The following ZFHX3 variants were observed in gnomAD, a reference collection of about 807,000 sequenced individuals.
ZFHX3 encodes zinc finger homeobox protein 3.
A neutral mutation model predicts 279.1 loss-of-function variants in ZFHX3; 42 were observed. The observed-to-expected ratio is 0.15, with a 90% CI of 0.12 to 0.19. The LOEUF is 0.19. ZFHX3 is among the 10% of genes least tolerant of loss of function. The probability of loss-of-function intolerance (pLI) is 1.00; values close to 1 mark genes in which losing one functional copy is unlikely to be tolerated. For synonymous variants in ZFHX3, 2,293 were observed against 1,957.8 expected (o/e 1.17, Z -4.52); for missense variants, 4,981 against 4,754.0 (o/e 1.05, Z -1.40).
At chr16:72,943,905 T>C (rs557714670) in intron 3 of ZFHX3, among the ~76,000 whole-genome samples, 2 of 152,340 alleles carry the variant, frequency 1.3e-5, no homozygotes, top group East Asian at 1.9e-4. Flanking sequence ...GGAAATACTA[T>C]GTCGACATTA....
chr16:73,715,014 C>A (rs979771062), intron 1 of ZFHX3, among the ~76,000 whole-genome samples: 1 of 152,186 alleles, frequency 6.6e-6, no homozygotes, highest in African/African-American at 2.4e-5. Flanking sequence ...CTTCCTTTTT[C>A]TCTGCCCTCC....
chr16:73,054,829 T>C (rs1210482298), intron 1 of ZFHX3, among the ~76,000 whole-genome samples: 1 of 152,096 alleles, frequency 6.6e-6, no homozygotes, highest in Non-Finnish European at 1.5e-5. Context: ...ACCACTGCAA[T>C]GATTTAGTGA....
intron 5 of ZFHX3, among the ~76,000 whole-genome samples, chr16:73,219,718 A>T (rs142744027): frequency 0.016 from 2,448 of 152,310 alleles, 27 homozygotes; most frequent in Non-Finnish European, 0.024. Context: ...TCTTGGAATC[A>T]GGTTGGTGAG....
chr16:73,200,188 T>C (rs902080328), intron 5 of ZFHX3, among the ~76,000 whole-genome samples: 4 of 152,154 alleles, frequency 2.6e-5, no homozygotes, highest in African/African-American at 7.2e-5. Context: ...TGCAGAAAGG[T>C]ATAATTCTGA....
intron 1 of ZFHX3, among the ~76,000 whole-genome samples, chr16:73,035,885 C>A (rs887491817): frequency 1.3e-5 from 2 of 152,188 alleles, no homozygotes; most frequent in African/African-American, 4.8e-5. Context: ...GCCTGGGAGA[C>A]AGAGTGAGAC....
chr16:73,754,902 C>T (rs1390175208), intron 1 of ZFHX3, among the ~76,000 whole-genome samples: 1 of 152,084 alleles, frequency 6.6e-6, no homozygotes, highest in African/African-American at 2.4e-5. Flanking sequence ...GTTTCCTTTT[C>T]CCCCCAAACC....
intron 2 of ZFHX3, among the ~76,000 whole-genome samples, chr16:73,480,933 T>A (rs1234036488): frequency 1.3e-5 from 2 of 152,180 alleles, no homozygotes; most frequent in African/African-American, 4.8e-5. Context: ...AGAATGTTAT[T>A]TACTTCAAGG....
intron 4 of ZFHX3, among the ~76,000 whole-genome samples, chr16:73,277,298 T>C (rs2014325362): frequency 6.6e-6 from 1 of 152,208 alleles, no homozygotes; most frequent in Non-Finnish European, 1.5e-5. Flanking sequence ...GAACTGAAAG[T>C]CACCCCGGGT....
At chr16:73,463,226 A>G (rs1251334811) in intron 2 of ZFHX3, among the ~76,000 whole-genome samples, 1 of 152,234 alleles carries the variant, frequency 6.6e-6, no homozygotes, top group African/African-American at 2.4e-5. Context: ...AAACATGCCA[A>G]GCACTTTACA....
intron 1 of ZFHX3, among the ~76,000 whole-genome samples, chr16:73,797,660 C>A (rs147349674): frequency 1.3e-5 from 2 of 152,060 alleles, no homozygotes; most frequent in Non-Finnish European, 2.9e-5. Flanking sequence ...TACACTGGTA[C>A]GGTGGAGAAA....
intron 3 of ZFHX3, among the ~76,000 whole-genome samples, chr16:73,439,767 G>A (rs1237776001): frequency 6.6e-6 from 1 of 151,864 alleles, no homozygotes; most frequent in East Asian, 1.9e-4. Flanking sequence ...CTCTTTACGG[G>A]TGCTCCTTGG....
At chr16:73,134,995 T>C (rs1355665397) in intron 6 of ZFHX3, among the ~76,000 whole-genome samples, 3 of 152,136 alleles carry the variant, frequency 2.0e-5, no homozygotes, top group African/African-American at 7.2e-5. Flanking sequence ...CAAAAATGTA[T>C]CTTTGTTGCA....
chr16:73,241,790 CAAAAAA>C (rs60214410), intron 5 of ZFHX3, among the ~76,000 whole-genome samples: 7 of 51,288 alleles, frequency 1.4e-4, no homozygotes, highest in African/African-American at 6.0e-4. Flanking sequence ...AACTCCGTCT[CAAAAAA>C]AAAAAAAAAA....
At chr16:72,841,504 T>C (rs16971325) in intron 4 of ZFHX3, among the ~76,000 whole-genome samples, 4,540 of 152,286 alleles carry the variant, frequency 0.03, 467 homozygotes, top group East Asian at 0.19. Context: ...TTTAGAAACT[T>C]AGAAAGTGAT....
intron 1 of ZFHX3, among the ~76,000 whole-genome samples, chr16:73,713,938 G>A (rs1224874021): frequency 6.6e-6 from 1 of 152,122 alleles, no homozygotes; most frequent in Admixed American, 6.5e-5. Flanking sequence ...TGTTTAGAAG[G>A]CTTTCGCATC....
chr16:73,181,415 A>T (rs1292097268), intron 5 of ZFHX3, among the ~76,000 whole-genome samples: 5 of 152,120 alleles, frequency 3.3e-5, no homozygotes, highest in Non-Finnish European at 7.3e-5. Context: ...TTAGAGCCCC[A>T]TGGATTTCTT....
intron 2 of ZFHX3, among the ~76,000 whole-genome samples, chr16:73,558,102 A>G (rs1213696363): frequency 6.6e-6 from 1 of 152,244 alleles, no homozygotes; most frequent in Admixed American, 6.5e-5. Context: ...ATGTCCCAGG[A>G]CAAGACTGAA....
chr16:73,334,755 T>TGATC (rs1049450188), intron 3 of ZFHX3, among the ~76,000 whole-genome samples: 1 of 150,730 alleles, frequency 6.6e-6, no homozygotes, highest in Non-Finnish European at 1.5e-5. Context: ...CTCAGTCCTG[T>TGATC]GATCTTCCAT....
At chr16:73,570,580 A>G (rs1353974761) in intron 2 of ZFHX3, among the ~76,000 whole-genome samples, 1 of 152,228 alleles carries the variant, frequency 6.6e-6, no homozygotes, top group Non-Finnish European at 1.5e-5. Context: ...TCTTAAAAAC[A>G]TGAGAAAGAA....
Sources: allele counts gnomAD v4.1 joint callset (sites outside exome capture counted in the v4.1 genomes callset), GRCh38; gene constraint gnomAD v4.1.1; transcripts MANE v1.5; gene names NCBI Gene and HGNC (gene_info 2026-07-23, HGNC 2026-07-21).